Variants in TTN observed in about 807,000 individuals in gnomAD.
TTN encodes connectin.
TTN carries 1,525 observed loss-of-function variants against 3,223.0 expected under a neutral mutation model. The observed-to-expected ratio is 0.47, with a 90% CI of 0.45 to 0.49. The LOEUF is 0.49. Ranked by LOEUF, TTN falls within the 20% of genes least tolerant of loss-of-function variation. The probability of loss-of-function intolerance (pLI) is 0.00; values close to 1 mark genes in which losing one functional copy is unlikely to be tolerated. For missense variants in TTN, 40,786 were observed against 43,424.0 expected (o/e 0.94, Z 5.40); for synonymous variants, 14,094 against 15,161.0 (o/e 0.93, Z 5.17).
At position 178,689,832 on chromosome 2, in the gene TTN, C is replaced by A. The variant is rs1462666636; in HGVS notation, c.31827G>T (p.Lys10609Asn). 8 of 1,611,968 alleles carry A rather than the reference C, an allele frequency of 5.0e-6. 1 individual carries two copies. The African/African-American group carries it at 5.4e-5, about 11-fold the overall frequency. The part of the protein sequence containing the change: ...EKIPVPVAKK[K>N]EAPPAKVPEV... ...CTGTACCTTTAGCTGGGGGAGCTTC[C>A]TTTTTCTTTGCAACAGGAACGGGAA... The change falls in exon 122 of 363, where the codon AAG (lysine) becomes AAT (asparagine). Residue 10609 changes from lysine to asparagine, a missense_variant. Lys to Asn is a moderately conservative substitution (Grantham distance 94). Transcript: ENST00000589042.
intron 274 of TTN, 30 bp downstream of exon 274, chr2:178,608,576 G>C: frequency 6.3e-7 from 1 of 1,595,406 alleles, no homozygotes; most frequent in South Asian, 1.1e-5. Context: ...ATGGTAAAAA[G>C]GCAAACTTTA....
At chr2:178,603,797 T>G (rs2054105394) in intron 282 of TTN, 79 bp downstream of exon 282, 2 of 1,332,372 alleles carry the variant, frequency 1.5e-6, no homozygotes, top group East Asian at 5.0e-5. Flanking sequence ...TAGAAAAATA[T>G]AAGAAATTTA....
intron 159 of TTN, 68 bp downstream of exon 159, chr2:178,669,305 A>C: frequency 7.6e-7 from 1 of 1,313,692 alleles, no homozygotes; most frequent in South Asian, 1.4e-5. Flanking sequence ...CAAAGCTAAA[A>C]AGACAAACAT....
chr2:178,664,861 A>G lies in TTN; in HGVS notation c.36109T>C (p.Ser12037Pro), dbSNP rs748454484. 6.8e-6 allele frequency: 11 copies of G among 1,611,460 alleles called. No individual in the cohort carries two copies. The highest frequency in any genetic ancestry group is 1.3e-5 in the African/African-American group (1 of 74,904). Residue 12037 changes from serine to proline, a missense_variant, in exon 166 of 363, where the codon TCA (serine) becomes CCA (proline). Transcript: ENST00000589042. ...GCATGGTGACTTGTACCTTTAACTG[A>G]TGGGGGTTCTCTTTTTTTGGAAGGA... The part of the protein sequence containing the change: ...TVPSKKREPP[S>P]VKVPEALQEI...
chr2:178,725,048 T>C (rs1449489941), intron 71 of TTN: 2 of 276,644 alleles, frequency 7.2e-6, no homozygotes, highest in Non-Finnish European at 1.3e-5. Flanking sequence ...TTGGAGTTCT[T>C]GTTAGTTTTA....
intron 72 of TTN, 35 bp from the exon 73 acceptor site, chr2:178,724,178 T>G (rs2078934702): frequency 6.3e-7 from 1 of 1,587,994 alleles, no homozygotes; most frequent in African/African-American, 1.4e-5. Flanking sequence ...CATCATGATT[T>G]GAAAGAATAG....
chr2:178,774,403 C>T lies in TTN; in HGVS notation c.6861G>A (p.Glu2287=), dbSNP rs1355689092. 1 of 1,613,928 alleles carries T rather than the reference C, an allele frequency of 6.2e-7. No individual in the cohort carries two copies. The highest frequency in any genetic ancestry group is 8.5e-7 in the Non-Finnish European group (1 of 1,179,920). The part of the protein sequence containing the change: ...EVPESYSGEL[E]CIVSPENIEG... Reference sequence around the variant, plus strand: ...CTATATTTTCTGGGGATACAATGCACTCTAATTCTCCTGAATATGATTCTG... The same window carrying T: ...CTATATTTTCTGGGGATACAATGCATTCTAATTCTCCTGAATATGATTCTG... Residue 2287 remains glutamate, a synonymous_variant, in exon 30 of 363, where the codon GAG becomes GAA. Coordinates refer to ENST00000589042, the MANE Select transcript of TTN (RefSeq NM_001267550.2).
chr2:178,642,069 AAAG>A (rs1344571196), intron 219 of TTN, among the ~76,000 whole-genome samples, 165 bp downstream of exon 219: 1 of 151,830 alleles, frequency 6.6e-6, no homozygotes, highest in African/African-American at 2.4e-5. Context: ...TTTTAAAAAA[AAAG>A]ATCTGGAAAT....
rs528516043 is a variant in TTN at position 178,775,425 on chromosome 2, C to T, written c.6439G>A (p.Ala2147Thr). 2.5e-6 allele frequency: 4 copies of T among 1,614,038 alleles called. No homozygotes were observed. Among genetic ancestry groups the T allele is most frequent in the Non-Finnish European group, 3.4e-6 (4 of 1,179,996 alleles). ...VIRDVTAEDS[A>T]SIMVKAINIA... The stretch of plus-strand genomic sequence containing the variant: ...TTGATGGCTTTTACCATGATGCTGG[C>T]AGAGTCCTCAGCAGTCACATCTCTT... Residue 2147 changes from alanine (A) to threonine (T), a missense_variant, in exon 28 of 363, where the codon GCC (alanine) becomes ACC (threonine). Transcript: ENST00000589042.
In TTN at chr2:178,727,209, A is replaced by T. The variant is rs770377168; in HGVS notation, c.20156T>A (p.Ile6719Asn). The change falls in exon 69 of 363, where the codon ATT becomes AAT. Residue 6719 changes from isoleucine to asparagine, a missense_variant. Transcript: ENST00000589042. ...CATCTGTATGACGGCCACTGAGTCA[A>T]TGAAAGTCATTCTGTACTTATCACT... ...PASDKYRMTFIDSVAVIQMNN... is the reference protein window; with the variant it reads ...PASDKYRMTFNDSVAVIQMNN... 3 of 1,613,256 alleles carry T rather than the reference A, an allele frequency of 1.9e-6. No homozygotes were observed. The highest frequency in any genetic ancestry group is 2.2e-5 in the East Asian group (1 of 44,834).
At chr2:178,726,959 A>G in intron 69 of TTN, 131 bp downstream of exon 69, 4 of 962,312 alleles carry the variant, frequency 4.2e-6, no homozygotes, top group Non-Finnish European at 4.2e-6. Flanking sequence ...AAAGGGAAAT[A>G]ATACTAGCTC....
rs777951468 is a variant in TTN at position 178,566,451 on chromosome 2, T to C, written c.79681A>G (p.Ile26561Val). The change falls in exon 326 of 363, where the codon ATA becomes GTA. Residue 26561 changes from isoleucine (I) to valine (V), a missense_variant. Physicochemically the swap from Ile to Val is conservative, Grantham distance 29. Transcript: ENST00000589042. The part of the protein sequence containing the change: ...SKLTEHQEYK[I>V]RVCALNKVGL... ...ACTTTGTTGAGGGCACAGACTCGTA[T>C]TTTATACTCTTGGTGTTCAGTGAGT... The C allele has an allele frequency of 6.2e-7, 1 of 1,613,456 alleles. No homozygotes were observed. The highest frequency in any genetic ancestry group is 8.5e-7 in the Non-Finnish European group (1 of 1,179,674).
chr2:178,582,024 T>C lies in TTN; in HGVS notation c.66345A>G (p.Leu22115=), dbSNP rs371010572. ...TACCTTCTTGAAGACCTGTTGCTTT[T>C]AATGTTCTTTCTATAATAGGTTTTC... ...VNRKPIIERT[L]KATGLQEGTE... The change falls in exon 315 of 363, where the codon TTA becomes TTG. Residue 22115 remains leucine (L), a synonymous_variant. Coordinates refer to ENST00000589042, the MANE Select transcript of TTN (RefSeq NM_001267550.2). The C allele has an allele frequency of 1.2e-6, 2 of 1,613,350 alleles. No individual in the cohort carries two copies. Among genetic ancestry groups the C allele is most frequent in the Non-Finnish European group, 1.7e-6 (2 of 1,179,492 alleles).
chr2:178,571,338 G>A lies in TTN; in HGVS notation c.74794C>T (p.Pro24932Ser), dbSNP rs878982463. The A allele has an allele frequency of 6.2e-7, 1 of 1,613,314 alleles. No individual in the cohort carries two copies. Among genetic ancestry groups the A allele is most frequent in the East Asian group, 2.2e-5 (1 of 44,794 alleles). Residue 24932 changes from proline (P) to serine (S), a missense_variant, in exon 326 of 363, where the codon CCA becomes TCA. Physicochemically the swap from Pro to Ser is moderately conservative, Grantham distance 74. Transcript: ENST00000589042. ...RDSMEVQWNE[P>S]ISDGGSRVIG... Reference sequence around the variant, plus strand: ...ACTCTACTTCCTCCATCACTGATTGGCTCATTCCATTGTACTTCCATGCTG... The same window carrying A: ...ACTCTACTTCCTCCATCACTGATTGACTCATTCCATTGTACTTCCATGCTG...
chr2:178,790,990 G>A, intron 10 of TTN, 145 bp from the exon 11 acceptor site: 1 of 997,362 alleles, frequency 1.0e-6, no homozygotes, highest in Admixed American at 2.3e-5. Flanking sequence ...CTACACTTGT[G>A]CTTAATACAT....
rs763809932 is a variant in TTN at position 178,614,110 on chromosome 2, G to A, written c.49287C>T (p.Asn16429=). 2.4e-5 allele frequency: 38 copies of A among 1,612,266 alleles called. No homozygotes were observed. Among genetic ancestry groups the A allele is most frequent in the Middle Eastern group, 3.3e-4 (2 of 6,070 alleles). ...KEYIFRVAAE[N]MYGVGEPVQA... is the part of the protein sequence containing the mutation. ...GAACTGGTTCACCAACACCATACAT[G>A]TTTTCTGCAGCAACTCTGAAGATGT... Residue 16429 remains asparagine, a synonymous_variant, in exon 262 of 363, where the codon AAC becomes AAT. Transcript: ENST00000589042.
rs2154307656 is a variant in TTN, at chr2:178,729,904, G to T, written c.18349C>A (p.Leu6117Met). The T allele has an allele frequency of 6.2e-7, 1 of 1,613,276 alleles. No individual in the cohort carries two copies. The highest frequency in any genetic ancestry group is 8.5e-7 in the Non-Finnish European group (1 of 1,179,622). ...FIKKPSPVLV[L>M]RNGQSTTFEC... ...AATGTTGTTGACTGTCCATTCCTCA[G>T]CACTAAGACTGGACTGGGCTTCTTA... is the stretch of plus-strand genomic sequence containing the variant. The change falls in exon 63 of 363, where the codon CTG becomes ATG. Residue 6117 changes from leucine (L) to methionine (M), a missense_variant. Coordinates refer to ENST00000589042, the MANE Select transcript of TTN (RefSeq NM_001267550.2).
Position 178,651,947 on chromosome 2 carries a change from C to T in TTN, c.39316G>A (p.Val13106Ile). The change falls in exon 205 of 363, where the codon GTT becomes ATT. Residue 13106 changes from valine (V) to isoleucine (I), a missense_variant. Transcript: ENST00000589042. ...PPEVFEEPEEVALEEPPAEVV... is the reference protein window; with the variant it reads ...PPEVFEEPEEIALEEPPAEVV... ...TCAGCAGGAGGCTCTTCTAGGGCAA[C>T]TTCCTCAGGCTCCTCGAACACTTTA... 1 of 1,610,506 alleles carries T rather than the reference C, an allele frequency of 6.2e-7. No homozygotes were observed. Among genetic ancestry groups the T allele is most frequent in the South Asian group, 1.1e-5 (1 of 90,484 alleles).
rs776394673 is a variant in TTN, at chr2:178,698,927, AAAAAGAAAAAAAAAG to A, written c.30683-28_30683-14del. ...GCCTTTTTGGTAACTAAAAAAAAAA[AAAAAGAAAAAAAAAG>A]AAAAAATATTTCTGGTGTAAGTAAC... is the stretch of plus-strand genomic sequence containing the variant. On this transcript the variant is annotated splice_polypyrimidine_tract_variant and intron_variant, in intron 111 of 362. Transcript: ENST00000589042. The A allele has an allele frequency of 4.8e-5, 72 of 1,494,498 alleles. No individual in the cohort carries two copies. The South Asian group carries it at 7.3e-4, about 15-fold the overall frequency. 92.6% of individuals were successfully genotyped at this position (1,494,498 alleles called of 1,614,324 possible).
Sources: allele counts gnomAD v4.1 joint callset (sites outside exome capture counted in the v4.1 genomes callset), GRCh38; gene constraint gnomAD v4.1.1; transcripts MANE v1.5; gene names NCBI Gene and HGNC (gene_info 2026-07-23, HGNC 2026-07-21).